Variants in PTPRD observed in about 807,000 individuals in gnomAD.
PTPRD encodes protein tyrosine phosphatase receptor type D.
In PTPRD, 34 loss-of-function variants were observed where a neutral mutation model predicts 214.5. The ratio of observed to expected loss-of-function variants is 0.16; its 90% CI spans 0.12 to 0.21. The LOEUF (loss-of-function observed/expected upper bound fraction) is 0.21, where lower values mean the gene tolerates loss of function less well. Among genes scored for constraint, PTPRD ranks in the 10% least tolerant of loss-of-function variants. The probability of loss-of-function intolerance (pLI) is 1.00; values close to 1 mark genes in which losing one functional copy is unlikely to be tolerated. For missense variants in PTPRD, 2,545 were observed against 2,398.7 expected (o/e 1.06, Z -1.27); for synonymous variants, 1,128 against 845.7 (o/e 1.33, Z -5.79).
chr9:9,453,565 C>T (rs757138672), intron 8 of PTPRD, among the ~76,000 whole-genome samples: 1 of 151,478 alleles, frequency 6.6e-6, no homozygotes, highest in African/African-American at 2.4e-5. Context: ...CTAAAGGTAA[C>T]TCTTGGTAAT....
At chr9:9,096,948 C>T (rs933078111) in intron 10 of PTPRD, among the ~76,000 whole-genome samples, 2 of 152,202 alleles carry the variant, frequency 1.3e-5, no homozygotes, top group Non-Finnish European at 2.9e-5. Flanking sequence ...TTTATCTCCC[C>T]TACCCCCTAA....
chr9:9,599,368 G>C (rs538285040), intron 7 of PTPRD, among the ~76,000 whole-genome samples: 2 of 152,104 alleles, frequency 1.3e-5, no homozygotes, highest in South Asian at 2.1e-4. Context: ...GATTTTATCT[G>C]ATACCAAGGC....
At chr9:8,815,951 T>C (rs1355717073) in intron 11 of PTPRD, among the ~76,000 whole-genome samples, 1 of 152,206 alleles carries the variant, frequency 6.6e-6, no homozygotes, top group Admixed American at 6.5e-5. Context: ...CTTGAGTGAT[T>C]TGATGCATTT....
chr9:8,400,910 G>T (rs770927368), intron 36 of PTPRD, among the ~76,000 whole-genome samples: 1 of 152,122 alleles, frequency 6.6e-6, no homozygotes, highest in Non-Finnish European at 1.5e-5. Context: ...AAATGAAAGA[G>T]ATTACCACTA....
intron 5 of PTPRD, among the ~76,000 whole-genome samples, chr9:9,887,895 T>A (rs932131876): frequency 1.3e-5 from 2 of 152,052 alleles, no homozygotes; most frequent in African/African-American, 4.8e-5. Flanking sequence ...TGTGTCCCAG[T>A]AAACATGGGG....
At chr9:10,585,644 G>A (rs2132611450) in intron 2 of PTPRD, among the ~76,000 whole-genome samples, 1 of 152,050 alleles carries the variant, frequency 6.6e-6, no homozygotes, top group South Asian at 2.1e-4. Flanking sequence ...AGTGAAGGGG[G>A]AAATTTAAAG....
chr9:9,862,985 A>G (rs1048220378), intron 5 of PTPRD, among the ~76,000 whole-genome samples: 1 of 152,206 alleles, frequency 6.6e-6, no homozygotes, highest in African/African-American at 2.4e-5. Flanking sequence ...CTTCAATAAT[A>G]TAGGAGACTT....
intron 4 of PTPRD, among the ~76,000 whole-genome samples, chr9:9,951,012 C>T (rs1297306123): frequency 6.6e-6 from 1 of 152,112 alleles, no homozygotes; most frequent in Admixed American, 6.6e-5. Context: ...ATGAAAGTAA[C>T]AAGAGATTCT....
chr9:9,537,462 T>C (rs1484830894), intron 8 of PTPRD, among the ~76,000 whole-genome samples: 1 of 151,886 alleles, frequency 6.6e-6, no homozygotes, highest in Non-Finnish European at 1.5e-5. Context: ...TATCGTGGAG[T>C]TCCTGAAAAA....
rs537846309 is a variant in PTPRD at position 10,363,384 on chromosome 9, G to A, written c.-599-22367C>T. Among the ~76,000 whole-genome samples the A allele has an allele frequency of 6.5e-4, 99 of 152,244 alleles. 1 individual carries two copies. Among genetic ancestry groups the A allele is most frequent in the African/African-American group, 2.3e-3 (95 of 41,544 alleles). ...ATAAGAAATAGTAAATAAGCCCTCTGTGCATCAAGATTTCTTTACACACTT... is the reference window on the plus strand; with the variant it reads ...ATAAGAAATAGTAAATAAGCCCTCTATGCATCAAGATTTCTTTACACACTT... On this transcript the variant is annotated intron_variant, in intron 2 of 45. Coordinates refer to ENST00000381196, the MANE Select transcript of PTPRD (RefSeq NM_002839.4).
chr9:10,013,991 T>G lies in PTPRD; in HGVS notation c.-472+19727A>C, dbSNP rs193190001. On this transcript the variant is annotated intron_variant, in intron 4 of 45. Coordinates refer to ENST00000381196, the MANE Select transcript of PTPRD (RefSeq NM_002839.4). ...GTAATTCTAAACATGTGTTCTTTAT[T>G]TTATTCCTTAGTCTAAAGTTATCTC... 3.3e-5 allele frequency among the ~76,000 whole-genome samples: 5 copies of G among 152,108 alleles called. No individual in the cohort carries two copies. In the East Asian group the frequency reaches 9.6e-4, roughly 29 times the overall value.
At chr9:10,374,286 C>T (rs888219324) in intron 2 of PTPRD, among the ~76,000 whole-genome samples, 5 of 151,916 alleles carry the variant, frequency 3.3e-5, no homozygotes, top group African/African-American at 1.2e-4. Context: ...AATTTGCAGG[C>T]AGGTGCAATG....
In PTPRD at chr9:8,609,212, T is replaced by C. The variant is rs75241519; in HGVS notation, c.352+24105A>G. On this transcript the variant is annotated intron_variant, in intron 14 of 45. Coordinates refer to ENST00000381196, the MANE Select transcript of PTPRD (RefSeq NM_002839.4). Reference sequence around the variant, plus strand: ...GATATTCCGGGAAGATGAGACATATTAACTTTATCATTTCACATATGCTTG... The same window carrying C: ...GATATTCCGGGAAGATGAGACATATCAACTTTATCATTTCACATATGCTTG... 9.4e-3 allele frequency among the ~76,000 whole-genome samples: 1,434 copies of C among 152,338 alleles called. 19 individuals carry two copies. The highest frequency in any genetic ancestry group is 0.033 in the African/African-American group (1,353 of 41,564).
At chr9:9,618,620 G>C (rs2095048887) in intron 7 of PTPRD, among the ~76,000 whole-genome samples, 1 of 151,786 alleles carries the variant, frequency 6.6e-6, no homozygotes, top group African/African-American at 2.4e-5. Flanking sequence ...GGAAACAGAA[G>C]GAAAAAAAGT....
chr9:8,789,712 T>C (rs907452637), intron 11 of PTPRD, among the ~76,000 whole-genome samples: 7 of 152,116 alleles, frequency 4.6e-5, no homozygotes, highest in African/African-American at 1.7e-4. Context: ...CAGAAACATC[T>C]TTAAAAAAAA....
intron 7 of PTPRD, among the ~76,000 whole-genome samples, chr9:9,711,391 A>C (rs1261511165): frequency 6.6e-6 from 1 of 152,172 alleles, no homozygotes; most frequent in African/African-American, 2.4e-5. Context: ...CTTCGTTGGT[A>C]ATATATGCAC....
intron 2 of PTPRD, among the ~76,000 whole-genome samples, chr9:10,566,563 T>C (rs1276534659): frequency 1.3e-5 from 2 of 151,924 alleles, no homozygotes; most frequent in Non-Finnish European, 2.9e-5. Context: ...TTTGTAGGAG[T>C]TCTATGTTCT....
chr9:9,150,279 C>A (rs1431505822), intron 10 of PTPRD, among the ~76,000 whole-genome samples: 1 of 151,894 alleles, frequency 6.6e-6, no homozygotes, highest in Non-Finnish European at 1.5e-5. Flanking sequence ...TTCCAAAAGT[C>A]TCAATATAAA....
intron 14 of PTPRD, among the ~76,000 whole-genome samples, chr9:8,593,506 T>A (rs955146543): frequency 5.3e-5 from 8 of 152,228 alleles, no homozygotes; most frequent in African/African-American, 1.7e-4. Context: ...ATATAACTAG[T>A]AGATCTTCTC....
Sources: gnomAD v4.1 joint callset for allele counts (sites outside exome capture counted in the v4.1 genomes callset) on GRCh38, gnomAD v4.1.1 for gene constraint, MANE v1.5 for transcripts, NCBI Gene and HGNC (gene_info 2026-07-23, HGNC 2026-07-21) for gene names.